UBXN11: variants seen among roughly 807,000 people sequenced by gnomAD.
UBXN11 encodes the protein UBX domain protein 11.
UBXN11 carries 47 observed loss-of-function variants against 62.8 expected under a neutral mutation model. That is an observed-to-expected ratio of 0.75 (90% CI 0.59 to 0.95). The LOEUF is 0.95. UBXN11 is among the 40% of genes least tolerant of loss of function. The pLI, the probability that UBXN11 is intolerant of heterozygous loss-of-function variation, is 0.00. For missense variants in UBXN11, 638 were observed against 661.7 expected (o/e 0.96, Z 0.39); for synonymous variants, 294 against 267.0 (o/e 1.10, Z -0.99).
intron 3 of UBXN11, among the ~76,000 whole-genome samples, chr1:26,301,358 G>C (rs1291923175): frequency 6.6e-6 from 1 of 152,196 alleles, no homozygotes; most frequent in Non-Finnish European, 1.5e-5. Flanking sequence ...GGAGGCTGGA[G>C]GGGGAAGGGG....
intron 8 of UBXN11, among the ~76,000 whole-genome samples, chr1:26,287,147 C>A (rs2124637982): frequency 6.6e-6 from 1 of 152,182 alleles, no homozygotes; most frequent in South Asian, 2.1e-4. Flanking sequence ...CCCATCTGCA[C>A]CATCAGGAGA....
intron 1 of UBXN11, among the ~76,000 whole-genome samples, chr1:26,305,287 T>C (rs1462598994): frequency 6.6e-6 from 1 of 152,132 alleles, no homozygotes; most frequent in East Asian, 1.9e-4. Flanking sequence ...TTTTCTTACT[T>C]CAAAAAAGTT....
upstream of UBXN11, among the ~76,000 whole-genome samples, chr1:26,308,418 T>C (rs2124678962): frequency 6.6e-6 from 1 of 152,310 alleles, no homozygotes; most frequent in East Asian, 1.9e-4. Flanking sequence ...ACGCTCTTCC[T>C]AGAAACTTTC....
intron 11 of UBXN11, 25 bp from the exon 12 acceptor site, chr1:26,284,270 G>T: frequency 6.2e-7 from 1 of 1,607,040 alleles, no homozygotes. Context: ...GGGAACCGGG[G>T]CCCAGGAAGG....
intron 11 of UBXN11, 22 bp from the exon 12 acceptor site, chr1:26,284,267 G>T: frequency 6.2e-7 from 1 of 1,606,488 alleles, no homozygotes; most frequent in Non-Finnish European, 8.5e-7. Context: ...GTTGGGAACC[G>T]GGGCCCAGGA....
chr1:26,306,834 G>GGGGGGT (rs1553165097), upstream of UBXN11: 65 of 40,178 alleles, frequency 1.6e-3, no homozygotes, highest in Non-Finnish European at 3.9e-3. Context: ...CGGGGTGGGG[G>GGGGGGT]GGGGGGGTGG....
intron 12 of UBXN11, 104 bp downstream of exon 12, chr1:26,284,038 G>T: frequency 8.5e-7 from 1 of 1,171,970 alleles, no homozygotes; most frequent in Non-Finnish European, 1.2e-6. Flanking sequence ...CTCATCAGGT[G>T]CCTCAAGCTT....
chr1:26,291,986 C>T (rs2073278811), intron 8 of UBXN11, among the ~76,000 whole-genome samples: 1 of 152,236 alleles, frequency 6.6e-6, no homozygotes, highest in Non-Finnish European at 1.5e-5. Flanking sequence ...GGTCCTCTCC[C>T]TCATGTAAAG....
chr1:26,300,864 G>T (rs1482729348), intron 4 of UBXN11, 62 bp downstream of exon 4: 2 of 1,612,488 alleles, frequency 1.2e-6, no homozygotes, highest in African/African-American at 1.3e-5. Flanking sequence ...CCTAGGCCTT[G>T]CCCCGTCTCT....
intron 12 of UBXN11, among the ~76,000 whole-genome samples, chr1:26,283,501 C>T (rs1449101913): frequency 6.6e-6 from 1 of 152,138 alleles, no homozygotes; most frequent in Non-Finnish European, 1.5e-5. Context: ...CTGGCTTTAT[C>T]TCAAGAACCA....
intron 1 of UBXN11, among the ~76,000 whole-genome samples, chr1:26,304,923 G>A (rs1485928607): frequency 6.8e-6 from 1 of 147,384 alleles, no homozygotes; most frequent in African/African-American, 2.5e-5. Flanking sequence ...CTCCCAGAAC[G>A]GTCTCCCCAC....
At chr1:26,316,271 GT>G (rs1557696112) in intron 1 of UBXN11, among the ~76,000 whole-genome samples, 1 of 151,036 alleles carries the variant, frequency 6.6e-6, no homozygotes, top group Non-Finnish European at 1.5e-5. Flanking sequence ...CCCAGCCTCT[GT>G]TTTTTTCTTT....
chr1:26,289,181 T>A (rs2073200685), intron 8 of UBXN11, among the ~76,000 whole-genome samples: 1 of 152,166 alleles, frequency 6.6e-6, no homozygotes, highest in African/African-American at 2.4e-5. Flanking sequence ...ACCCTGGGCC[T>A]CTATGGGCCT....
Position 26,301,558 on chromosome 1 carries a change from A to G in UBXN11, c.100+136T>C, listed in dbSNP as rs1570126682. The G allele has an allele frequency of 6.4e-6, 8 of 1,244,134 alleles. No individual in the cohort carries two copies. The East Asian group carries it at 2.0e-4, about 31-fold the overall frequency. 77.1% of individuals were successfully genotyped at this position (1,244,134 alleles called of 1,614,324 possible). On this transcript the variant is annotated intron_variant, in intron 3 of 14. Coordinates refer to ENST00000374222, the MANE Select transcript of UBXN11 (RefSeq NM_001389556.1). ...CAGCCCTCAGGGAGGACAGCATGGG[A>G]GCTGCACAGAACACGGTGGAGGCCG... is the stretch of plus-strand genomic sequence containing the variant.
intron 8 of UBXN11, 30 bp from the exon 9 acceptor site, chr1:26,286,067 G>A (rs761442955): frequency 9.6e-6 from 15 of 1,560,336 alleles, no homozygotes; most frequent in Middle Eastern, 1.7e-4. Flanking sequence ...CCTGTGAGCC[G>A]CCTTTTGGCT....
At chr1:26,293,456 G>C (rs1336285450) in intron 8 of UBXN11, among the ~76,000 whole-genome samples, 1 of 152,026 alleles carries the variant, frequency 6.6e-6, no homozygotes, top group Non-Finnish European at 1.5e-5. Context: ...GGCCAGGCGT[G>C]GTGGCTCACA....
chr1:26,289,858 C>T (rs763363749), intron 8 of UBXN11, among the ~76,000 whole-genome samples: 1 of 152,196 alleles, frequency 6.6e-6, no homozygotes, highest in Non-Finnish European at 1.5e-5. Context: ...CAGGCAAAGA[C>T]GGCTGCAACA....
rs755538282 is a variant in UBXN11, at chr1:26,282,950, AG to A, written c.1078-14del. On this transcript the variant is annotated splice_polypyrimidine_tract_variant and intron_variant, in intron 12 of 14. Transcript: ENST00000374222. ...ATGGGCAGCAGTTCTGGAAGGTATC[AG>A]TGGAGGGTGGACAGAGCCCTAGGCC... The A allele has an allele frequency of 2.5e-6, 4 of 1,614,036 alleles. No individual in the cohort carries two copies. The African/African-American group carries it at 5.3e-5, about 22-fold the overall frequency.
rs558221492 is a variant in UBXN11 at position 26,291,018 on chromosome 1, C to T, written c.559+3187G>A. ...CTGGCAGAGAGAGGGGGAGAGTGAG[C>T]GATCCAGCCTGAGGCCAAGCCCCTT... On this transcript the variant is annotated intron_variant, in intron 8 of 14. Coordinates refer to ENST00000374222, the MANE Select transcript of UBXN11 (RefSeq NM_001389556.1). Among the ~76,000 whole-genome samples the T allele has an allele frequency of 4.6e-5, 7 of 152,258 alleles. No homozygotes were observed. In the South Asian group the frequency reaches 8.3e-4, roughly 18 times the overall value.
Sources: gnomAD v4.1 joint callset for allele counts (sites outside exome capture counted in the v4.1 genomes callset) on GRCh38, gnomAD v4.1.1 for gene constraint, MANE v1.5 for transcripts, NCBI Gene and HGNC (gene_info 2026-07-23, HGNC 2026-07-21) for gene names.